Variants in ZNF782 observed in about 807,000 individuals in gnomAD.
ZNF782 encodes the protein zinc finger protein 782.
A neutral mutation model predicts 13.0 loss-of-function variants in ZNF782; 12 were observed. The observed-to-expected ratio is 0.92, with a 90% confidence interval of 0.59 to 1.50. The LOEUF (loss-of-function observed/expected upper bound fraction) is 1.50. ZNF782 is among the 40% of genes most tolerant of loss of function. The pLI is 0.00. For missense variants in ZNF782, 770 were observed against 822.9 expected (o/e 0.94, Z 0.79); for synonymous variants, 284 against 283.0 (o/e 1.00, Z -0.04).
At chr9:96,844,546 G>C (rs1851289828) in intron 4 of ZNF782, among the ~76,000 whole-genome samples, 1 of 152,128 alleles carries the variant, frequency 6.6e-6, no homozygotes, top group African/African-American at 2.4e-5. Flanking sequence ...TATTGCAATA[G>C]AAAGCAGACT....
At chr9:96,820,496 G>T (rs1331262364) in intron 5 of ZNF782, among the ~76,000 whole-genome samples, 1 of 151,740 alleles carries the variant, frequency 6.6e-6, no homozygotes. Flanking sequence ...CTCTGCCCTA[G>T]CTCTGGTGAC....
the ZNF782 span, among the ~76,000 whole-genome samples, chr9:96,899,336 C>T: frequency 6.6e-6 from 1 of 151,730 alleles, no homozygotes; most frequent in Non-Finnish European, 1.5e-5. Context: ...AGTAAGGATG[C>T]TAAATATCTT....
chr9:96,897,547 G>A, the ZNF782 span, among the ~76,000 whole-genome samples: 1 of 151,778 alleles, frequency 6.6e-6, no homozygotes, highest in African/African-American at 2.4e-5. Context: ...CGTCTGCTGT[G>A]TATGCATTTC....
the ZNF782 span, among the ~76,000 whole-genome samples, chr9:96,898,625 C>T: frequency 6.8e-6 from 1 of 147,790 alleles, no homozygotes; most frequent in African/African-American, 2.6e-5. Context: ...TGGCTCACTG[C>T]AACCTCTGCC....
chr9:96,899,466 T>C, the ZNF782 span, among the ~76,000 whole-genome samples: 16 of 152,352 alleles, frequency 1.1e-4, 1 homozygote, highest in African/African-American at 2.9e-4. Context: ...CTAGGAGCTC[T>C]CTTTAAAGAT....
chr9:96,866,925 T>C (rs1472389379), intron 1 of ZNF782, among the ~76,000 whole-genome samples: 1 of 152,232 alleles, frequency 6.6e-6, no homozygotes, highest in Non-Finnish European at 1.5e-5. Flanking sequence ...CCATTTGGAA[T>C]GACTGTATTT....
At chr9:96,861,097 A>T (rs2118860120) in intron 2 of ZNF782, among the ~76,000 whole-genome samples, 1 of 152,304 alleles carries the variant, frequency 6.6e-6, no homozygotes, top group East Asian at 1.9e-4. Flanking sequence ...TTAAAAAAAA[A>T]ATTTTAAAAA....
intron 1 of ZNF782, among the ~76,000 whole-genome samples, chr9:96,866,318 A>G (rs1438549581): frequency 2.0e-5 from 3 of 152,204 alleles, no homozygotes; most frequent in Non-Finnish European, 2.9e-5. Flanking sequence ...TGCTCCTGCC[A>G]TGACTAAAAG....
chr9:96,930,872 GTTTTTTTTTTTTTTTTTT>G, the ZNF782 span, among the ~76,000 whole-genome samples: 45 of 72,708 alleles, frequency 6.2e-4, no homozygotes, highest in African/African-American at 1.3e-3. Context: ...CCATCCAGTG[GTTTTTTTTTTTTTTTTTT>G]TTTTTTTTTT....
chr9:96,838,722 T>C (rs564213413), intron 4 of ZNF782, among the ~76,000 whole-genome samples: 138 of 151,240 alleles, frequency 9.1e-4, no homozygotes, highest in Non-Finnish European at 1.6e-3. Context: ...CTTTTCTTTT[T>C]TTTTTTTTTT....
chr9:96,887,342 A>AGGGAGGGAGGGAGGAAGG, the ZNF782 span: 1 of 107,636 alleles, frequency 9.3e-6, no homozygotes, highest in African/African-American at 3.6e-5. Flanking sequence ...AGGAAGGAAG[A>AGGGAGGGAGGGAGGAAGG]AAGAAAGAAA....
intron 5 of ZNF782, among the ~76,000 whole-genome samples, chr9:96,825,465 C>T (rs1588150188): frequency 6.6e-6 from 1 of 152,078 alleles, no homozygotes; most frequent in East Asian, 1.9e-4. Flanking sequence ...AGAAGAAAAC[C>T]TAGGCATTAC....
the ZNF782 span, among the ~76,000 whole-genome samples, chr9:96,913,927 C>T: frequency 2.0e-5 from 3 of 148,320 alleles, no homozygotes; most frequent in Non-Finnish European, 4.5e-5. Context: ...GATTGCTTGG[C>T]TCAAGAGTTT....
At chr9:96,877,052 CTTTACATGAGCACCTG>C (rs1851902398), upstream of ZNF782, among the ~76,000 whole-genome samples, 1 of 146,622 alleles carries the variant, frequency 6.8e-6, no homozygotes, top group African/African-American at 2.5e-5. Context: ...CCTACTTAAA[CTTTACATGAGCACCTG>C]TTGATTTTTT....
chr9:96,926,824 C>G, the ZNF782 span, among the ~76,000 whole-genome samples: 1 of 152,192 alleles, frequency 6.6e-6, no homozygotes, highest in Non-Finnish European at 1.5e-5. Flanking sequence ...GCAAATGCTT[C>G]TTAAGTGCCA....
At chr9:96,822,177 C>G (rs1001107680) in intron 5 of ZNF782, among the ~76,000 whole-genome samples, 1 of 152,192 alleles carries the variant, frequency 6.6e-6, no homozygotes, top group East Asian at 1.9e-4. Flanking sequence ...TCAAAAGTCT[C>G]AGAAATTTGA....
At chr9:96,878,962 G>A (rs190601557), upstream of ZNF782, among the ~76,000 whole-genome samples, 2 of 152,174 alleles carry the variant, frequency 1.3e-5, no homozygotes, top group East Asian at 3.9e-4. Context: ...AAATGCTTAA[G>A]GTTAAACATC....
intron 3 of ZNF782, among the ~76,000 whole-genome samples, 180 bp downstream of exon 3, chr9:96,851,767 T>C (rs1851493717): frequency 6.6e-6 from 1 of 152,246 alleles, no homozygotes; most frequent in Non-Finnish European, 1.5e-5. Flanking sequence ...CTTGGCAAAC[T>C]GGTAACTGGA....
At chr9:96,845,162 C>T in intron 3 of ZNF782, 146 bp from the exon 4 acceptor site, 1 of 937,886 alleles carries the variant, frequency 1.1e-6, no homozygotes. Context: ...TTCTGCCTTA[C>T]TTTTGAAATG....
Sources: gnomAD v4.1 joint callset for allele counts (sites outside exome capture counted in the v4.1 genomes callset) on GRCh38, gnomAD v4.1.1 for gene constraint, MANE v1.5 for transcripts, NCBI Gene and HGNC (gene_info 2026-07-23, HGNC 2026-07-21) for gene names.